Variants in SLC44A4 observed in about 807,000 individuals in gnomAD.
SLC44A4 encodes the protein choline transporter-like protein 4.
In SLC44A4, 74 loss-of-function variants were observed where a neutral mutation model predicts 97.0. The ratio of observed to expected loss-of-function variants is 0.76; its 90% CI spans 0.63 to 0.93. SLC44A4 has a LOEUF of 0.93. Among genes scored for constraint, SLC44A4 ranks in the 40% least tolerant of loss-of-function variants. SLC44A4 has a pLI of 0.00. For missense variants in SLC44A4, 799 were observed against 902.9 expected (o/e 0.88, Z 1.48); for synonymous variants, 325 against 363.8 (o/e 0.89, Z 1.21).
Position 31,876,586 on chromosome 6 carries a change from G to T in SLC44A4, c.89+448C>A, listed in dbSNP as rs1019283984. 6.6e-6 allele frequency among the ~76,000 whole-genome samples: 1 copy of T among 152,164 alleles called. No homozygotes were observed. Among genetic ancestry groups the T allele is most frequent in the African/African-American group, 2.4e-5 (1 of 41,426 alleles). On this transcript the variant is annotated intron_variant, in intron 2 of 20. Transcript: ENST00000229729. The surrounding 1 kb of genome is among the most constrained non-coding windows in gnomAD (Gnocchi z 4.8). ...CAACATAGTGAGATCCCATCTCAAAGAAATTAGCCTGGTGTGATGGTGCAT... is the reference window on the plus strand; with the variant it reads ...CAACATAGTGAGATCCCATCTCAAATAAATTAGCCTGGTGTGATGGTGCAT...
intron 4 of SLC44A4, 30 bp downstream of exon 4, chr6:31,875,822 C>T (rs1051201045): frequency 1.3e-6 from 2 of 1,580,110 alleles, no homozygotes; most frequent in Non-Finnish European, 1.7e-6. Flanking sequence ...CGCCTCGCTC[C>T]TGCACTCCTC....
At position 31,865,960 on chromosome 6, in the gene SLC44A4, C is replaced by T; in HGVS notation, c.1400G>A (p.Gly467Glu). Residue 467 changes from glycine (G) to glutamate (E), a missense_variant, in exon 14 of 21, where the codon GGA (glycine) becomes GAA (glutamate). By Grantham distance (98) the Gly-to-Glu change is moderately conservative (BLOSUM62 -2). This residue lies in a region of SLC44A4 where 379 missense variants were observed against 438.3 expected (regional missense o/e 0.86). Transcript: ENST00000229729. This position sits in a 1 kb window ranked among gnomAD's most constrained non-coding sequence, Gnocchi z 5.2. ...GGCCCAGTAGAAGGAGGCAAAGGCT[C>T]CAGCGAGGACGCATTGGCCCAGGGC... is the stretch of plus-strand genomic sequence containing the variant. ...VLALGQCVLAGAFASFYWAFH... is the reference protein window; with the variant it reads ...VLALGQCVLAEAFASFYWAFH... The T allele has an allele frequency of 6.2e-7, 1 of 1,614,200 alleles. No homozygotes were observed. The highest frequency in any genetic ancestry group is 8.5e-7 in the Non-Finnish European group (1 of 1,180,022).
Position 31,874,575 on chromosome 6 carries a change from G to T in SLC44A4, c.469-55C>A. Reference sequence around the variant, plus strand: ...AGACACAGAGCAGGATGAAGAAGCAGGTCCCCTCACCACCACCATGGGGCT... The same window carrying T: ...AGACACAGAGCAGGATGAAGAAGCATGTCCCCTCACCACCACCATGGGGCT... On this transcript the variant is annotated intron_variant, in intron 6 of 20. Transcript: ENST00000229729. This position sits in a 1 kb window ranked among gnomAD's most constrained non-coding sequence, Gnocchi z 4.8. The T allele has an allele frequency of 1.3e-6, 2 of 1,591,078 alleles. No individual in the cohort carries two copies. The highest frequency in any genetic ancestry group is 1.3e-5 in the African/African-American group (1 of 74,576).
rs753924619 is a variant in SLC44A4 at position 31,878,977 on chromosome 6, C to T, written c.4G>A (p.Gly2Arg). The T allele has an allele frequency of 1.1e-5, 17 of 1,613,726 alleles. No individual in the cohort carries two copies. Among genetic ancestry groups the T allele is most frequent in the Non-Finnish European group, 1.4e-5 (16 of 1,179,928 alleles). M[G>R]GKQRDEDDEA... ...TCATCCTCGTCCCGCTGCTTTCCCC[C>T]CATGGCTCAGTCTCCGGAGTGATTG... Residue 2 changes from glycine to arginine, a missense_variant, in exon 1 of 21, where the codon GGG (glycine) becomes AGG (arginine). Gly to Arg is a moderately radical substitution (Grantham distance 125). Transcript: ENST00000229729. The surrounding 1 kb of genome is among the most constrained non-coding windows in gnomAD (Gnocchi z 4.0).
chr6:31,864,078 T>A (rs1762704412), intron 20 of SLC44A4, among the ~76,000 whole-genome samples: 1 of 151,504 alleles, frequency 6.6e-6, no homozygotes, highest in African/African-American at 2.4e-5. Context: ...TTTTTTTTAA[T>A]CTTTTTTCTT....
At position 31,871,339 on chromosome 6, in the gene SLC44A4, C is replaced by CA; in HGVS notation, c.675dup (p.Ala226CysfsTer95). On this transcript the variant is annotated frameshift_variant, in exon 9 of 21. Transcript: ENST00000229729. LOFTEE classifies it high-confidence loss of function. ...ACAAGAATCCAATACCAGGACTGGG[C>CA]AAAATCTTCAAAGATCTTAACACTG... 6.2e-7 allele frequency: 1 copy of CA among 1,614,166 alleles called. No homozygotes were observed. Among genetic ancestry groups the CA allele is most frequent in the Non-Finnish European group, 8.5e-7 (1 of 1,180,022 alleles).
chr6:31,865,295 C>CCG lies in SLC44A4; in HGVS notation c.1760+19_1760+20insCG. 1 of 1,609,636 alleles carries CCG rather than the reference C, an allele frequency of 6.2e-7. No individual in the cohort carries two copies. Among genetic ancestry groups the CCG allele is most frequent in the Non-Finnish European group, 8.5e-7 (1 of 1,177,268 alleles). ...GAGATCAGAGGAGGGAGCCACAAAG[C>CCG]GGGGGGGGAGCAGCCTAACCTGACA... On this transcript the variant is annotated intron_variant, in intron 17 of 20. Transcript: ENST00000229729. The surrounding 1 kb of genome is among the most constrained non-coding windows in gnomAD (Gnocchi z 5.2).
intron 20 of SLC44A4, 114 bp from the exon 21 acceptor site, chr6:31,863,862 G>A: frequency 5.0e-6 from 7 of 1,411,580 alleles, no homozygotes; most frequent in Admixed American, 2.2e-5. Flanking sequence ...CCTTACCCCC[G>A]GGCAGGTTAT....
chr6:31,868,792 T>C (rs1283577255), intron 13 of SLC44A4, among the ~76,000 whole-genome samples: 2 of 117,728 alleles, frequency 1.7e-5, no homozygotes, highest in Non-Finnish European at 3.4e-5. Flanking sequence ...CAAGACCCTG[T>C]CTCAAAACAA....
At position 31,865,625 on chromosome 6, in the gene SLC44A4, T is replaced by G. The variant is rs1762815527; in HGVS notation, c.1583-24A>C. Reference sequence around the variant, plus strand: ...TCCTGGGAGCGAGGAAGGCTCATGTTTGGTCACTGCCCCTCCCTAATGGCC... The same window carrying G: ...TCCTGGGAGCGAGGAAGGCTCATGTGTGGTCACTGCCCCTCCCTAATGGCC... On this transcript the variant is annotated intron_variant, in intron 15 of 20. Transcript: ENST00000229729. The surrounding 1 kb of genome is among the most constrained non-coding windows in gnomAD (Gnocchi z 5.2). 1 of 1,609,596 alleles carries G rather than the reference T, an allele frequency of 6.2e-7. No individual in the cohort carries two copies. The highest frequency in any genetic ancestry group is 1.3e-5 in the African/African-American group (1 of 74,862).
rs150385253 is a variant in SLC44A4, at chr6:31,863,701, T to C, written c.2059A>G (p.Met687Val). ...AGAATCTTTAGAAGGCTCTTGGACATGTAGTAGGGCCGGTCCAGGGAGCCG... is the reference window on the plus strand; with the variant it reads ...AGAATCTTTAGAAGGCTCTTGGACACGTAGTAGGGCCGGTCCAGGGAGCCG... The part of the protein sequence containing the change: ...NNGSLDRPYY[M>V]SKSLLKILGK... The change falls in exon 21 of 21, where the codon ATG becomes GTG. Residue 687 changes from methionine to valine, a missense_variant. By Grantham distance (21) the Met-to-Val change is conservative. Transcript: ENST00000229729. The C allele has an allele frequency of 1.1e-4, 175 of 1,612,400 alleles. No homozygotes were observed. In the African/African-American group the frequency reaches 1.4e-3, roughly 13 times the overall value.
Position 31,876,056 on chromosome 6 carries a change from C to A in SLC44A4, c.163G>T (p.Ala55Ser). 1 of 1,614,086 alleles carries A rather than the reference C, an allele frequency of 6.2e-7. No individual in the cohort carries two copies. The highest frequency in any genetic ancestry group is 8.5e-7 in the Non-Finnish European group (1 of 1,180,016). Residue 55 changes from alanine to serine, a missense_variant and splice_region_variant, in exon 3 of 21, where the codon GCC becomes TCC. Transcript: ENST00000229729. This position sits in a 1 kb window ranked among gnomAD's most constrained non-coding sequence, Gnocchi z 4.8. ...TGGCTCTGAGCAGCTGGAAACTCAC[C>A]CACAATCCCCACCACGATGTAACCT... The part of the protein sequence containing the change: ...ILGYIVVGIV[A>S]WLYGDPRQVL...
At position 31,872,494 on chromosome 6, in the gene SLC44A4, C is replaced by G. The variant is rs146761687; in HGVS notation, c.530-933G>C. 2.0e-5 allele frequency among the ~76,000 whole-genome samples: 3 copies of G among 152,190 alleles called. No individual in the cohort carries two copies. The South Asian group carries it at 6.2e-4, about 32-fold the overall frequency. ...CAAGCAATCCTCCCACCTCAGCCCC[C>G]CAAAGTGTTGGGATTACAGGTGTGA... On this transcript the variant is annotated intron_variant, in intron 7 of 20. Transcript: ENST00000229729.
rs746300939 is a variant in SLC44A4 at position 31,871,508 on chromosome 6, TC to T, written c.582del (p.Ile195SerfsTer48). ...TGCTGTATGGTGGTGTCATTGGTGA[TC>T]CCTGGGAGCGCCGGTGGAGTAACGT... ...WTNVTPPALPGITNDTTIQQG... is the reference protein window; with the variant it reads ...WTNVTPPALPXITNDTTIQQG... On this transcript the variant is annotated frameshift_variant, in exon 8 of 21. Coordinates refer to ENST00000229729, the MANE Select transcript of SLC44A4 (RefSeq NM_025257.3). LOFTEE classifies it high-confidence loss of function. 14 of 1,613,734 alleles carry T rather than the reference TC, an allele frequency of 8.7e-6. No individual in the cohort carries two copies. Among genetic ancestry groups the T allele is most frequent in the Non-Finnish European group, 1.1e-5 (13 of 1,179,908 alleles).
Position 31,878,831 on chromosome 6 carries a change from G to A in SLC44A4, c.40+110C>T. 2 of 1,317,502 alleles carry A rather than the reference G, an allele frequency of 1.5e-6. No homozygotes were observed. Among genetic ancestry groups the A allele is most frequent in the East Asian group, 4.7e-5 (2 of 42,946 alleles). 81.6% of individuals were successfully genotyped at this position (1,317,502 alleles called of 1,614,324 possible). ...CCGGTTCCCGGGCCCTCCCCTCAGG[G>A]ACACAGTACTCTCCTTAGTTCCTCT... On this transcript the variant is annotated intron_variant, in intron 1 of 20. Coordinates refer to ENST00000229729, the MANE Select transcript of SLC44A4 (RefSeq NM_025257.3). The surrounding 1 kb of genome is among the most constrained non-coding windows in gnomAD (Gnocchi z 4.0).
At position 31,874,228 on chromosome 6, in the gene SLC44A4, C is replaced by CAG. The variant is rs1763322003; in HGVS notation, c.529+230_529+231dup. Among the ~76,000 whole-genome samples the CAG allele has an allele frequency of 6.6e-6, 1 of 152,162 alleles. No individual in the cohort carries two copies. Among genetic ancestry groups the CAG allele is most frequent in the Non-Finnish European group, 1.5e-5 (1 of 68,036 alleles). ...CCTAGAATGTAGCTGAAGCAGGGAG[C>CAG]AGTTGTTATCCCTGCCTCTGTCCCC... On this transcript the variant is annotated intron_variant, in intron 7 of 20. Transcript: ENST00000229729. The surrounding 1 kb of genome is among the most constrained non-coding windows in gnomAD (Gnocchi z 4.8).
chr6:31,870,247 C>G (rs188075226), intron 11 of SLC44A4, among the ~76,000 whole-genome samples: 21 of 152,228 alleles, frequency 1.4e-4, no homozygotes, highest in African/African-American at 4.8e-4. Context: ...CACCCCCAAG[C>G]GTGATCCCTT....
Position 31,877,595 on chromosome 6 carries a change from G to C in SLC44A4, c.41-513C>G, listed in dbSNP as rs555346562. ...TTCAAGGCTATGGGGAAAGAAACTG[G>C]AGACAAAGGTGTCAACCCCAGCAGG... On this transcript the variant is annotated intron_variant, in intron 1 of 20. Transcript: ENST00000229729. This position sits in a 1 kb window ranked among gnomAD's most constrained non-coding sequence, Gnocchi z 6.5. 1 of 988,246 alleles carries C rather than the reference G, an allele frequency of 1.0e-6. No individual in the cohort carries two copies. Among genetic ancestry groups the C allele is most frequent in the South Asian group, 4.7e-5 (1 of 21,460 alleles). 61.2% of individuals were successfully genotyped at this position (988,246 alleles called of 1,614,324 possible).
At position 31,875,841 on chromosome 6, in the gene SLC44A4, T is replaced by A. The variant is rs774686950; in HGVS notation, c.242+11A>T. The A allele has an allele frequency of 2.5e-6, 4 of 1,603,444 alleles. No individual in the cohort carries two copies. The South Asian group carries it at 4.4e-5, about 18-fold the overall frequency. ...TCGCTCCTGCACTCCTCTTCTCGCC[T>A]TTGTACTCACTTGTTCTCCCCCATG... On this transcript the variant is annotated intron_variant, in intron 4 of 20. Coordinates refer to ENST00000229729, the MANE Select transcript of SLC44A4 (RefSeq NM_025257.3).
Sources: allele counts gnomAD v4.1 joint callset (sites outside exome capture counted in the v4.1 genomes callset), GRCh38; gene constraint gnomAD v4.1.1; regional missense constraint gnomAD v4.1.1; non-coding constraint Gnocchi (gnomAD v3.1); transcripts MANE v1.5; gene names NCBI Gene and HGNC (gene_info 2026-07-23, HGNC 2026-07-21).